ZNF354C: variants seen among roughly 807,000 people sequenced by gnomAD.
The protein encoded by ZNF354C is zinc finger protein 354C.
Under a neutral mutation model 12.4 loss-of-function variants are expected in ZNF354C, and 7 were observed. The ratio of observed to expected loss-of-function variants is 0.56; its 90% CI spans 0.32 to 1.06. ZNF354C has a LOEUF of 1.06. Ranked by LOEUF, ZNF354C falls within the 50% of genes least tolerant of loss-of-function variation. The pLI is 0.04. For synonymous variants in ZNF354C, 202 were observed against 224.5 expected (o/e 0.90, Z 0.90); for missense variants, 609 against 658.0 (o/e 0.93, Z 0.81).
In ZNF354C at chr5:179,080,042, C is replaced by T. The variant is rs752348525; in HGVS notation, c.1610C>T (p.Ser537Phe). 4.4e-6 allele frequency: 7 copies of T among 1,606,334 alleles called. No individual in the cohort carries two copies. In the Admixed American group the frequency reaches 8.6e-5, roughly 20 times the overall value. The change falls in exon 5 of 5, where the codon TCC (serine) becomes TTC (phenylalanine). Residue 537 changes from serine (S) to phenylalanine (F), a missense_variant. Ser to Phe is a radical substitution (Grantham distance 155). Transcript: ENST00000315475. The stretch of plus-strand genomic sequence containing the variant: ...TATGGGAAACCTTTCATCTGCAGCT[C>T]CTCACTTACCCAGTATCAGAGATTT... The part of the protein sequence containing the change: ...KEYGKPFICS[S>F]SLTQYQRFFK...
intron 2 of ZNF354C, among the ~76,000 whole-genome samples, chr5:179,071,619 CT>C (rs1762054071): frequency 6.6e-6 from 1 of 152,072 alleles, no homozygotes; most frequent in Non-Finnish European, 1.5e-5. Context: ...AGCTTTTTGC[CT>C]GGGAGTAGGC....
chr5:179,066,149 T>C (rs1291264933), intron 2 of ZNF354C, among the ~76,000 whole-genome samples: 1 of 152,262 alleles, frequency 6.6e-6, no homozygotes, highest in Non-Finnish European at 1.5e-5. Context: ...ATCTTTCTGC[T>C]GTCTGTACAT....
At position 179,080,075 on chromosome 5, in the gene ZNF354C, G is replaced by C. The variant is rs1234974272; in HGVS notation, c.1643G>C (p.Gly548Ala). ...SLTQYQRFFKGDKAYEV is the reference protein window; with the variant it reads ...SLTQYQRFFKADKAYEV Reference sequence around the variant, plus strand: ...ACCCAGTATCAGAGATTTTTTAAAGGAGATAAAGCCTATGAGGTTTAGTTC... The same window carrying C: ...ACCCAGTATCAGAGATTTTTTAAAGCAGATAAAGCCTATGAGGTTTAGTTC... Residue 548 changes from glycine to alanine, a missense_variant, in exon 5 of 5, where the codon GGA becomes GCA. Gly to Ala is a moderately conservative substitution (Grantham distance 60, BLOSUM62 0). Coordinates refer to ENST00000315475, the MANE Select transcript of ZNF354C (RefSeq NM_014594.3). The C allele has an allele frequency of 1.1e-5, 17 of 1,584,518 alleles. No individual in the cohort carries two copies. The highest frequency in any genetic ancestry group is 3.8e-5 in the Admixed American group (2 of 53,098).
rs1216729810 is a variant in ZNF354C at position 179,076,441 on chromosome 5, A to G, written c.28-4A>G. The G allele has an allele frequency of 6.2e-7, 1 of 1,614,030 alleles. No homozygotes were observed. On this transcript the variant is annotated splice_polypyrimidine_tract_variant and splice_region_variant and intron_variant, in intron 2 of 4. Transcript: ENST00000315475. ...GGTGAGCAGGTATGGGTTTGCCATTACAGGAGCCTGTGACATTCAGGGATG... is the reference window on the plus strand; with the variant it reads ...GGTGAGCAGGTATGGGTTTGCCATTGCAGGAGCCTGTGACATTCAGGGATG...
At position 179,083,025 on chromosome 5, in the gene ZNF354C, T is replaced by C; in HGVS notation, c.*2928T>C. On this transcript the variant is annotated 3_prime_UTR_variant, in exon 5 of 5. Coordinates refer to ENST00000315475, the MANE Select transcript of ZNF354C (RefSeq NM_014594.3). ...ATAGTTAATGAAGCCAAACTGATCTTGCACACATTCCACTGGCCCTACGCA... is the reference window on the plus strand; with the variant it reads ...ATAGTTAATGAAGCCAAACTGATCTCGCACACATTCCACTGGCCCTACGCA... 2.6e-6 allele frequency: 2 copies of C among 774,778 alleles called. No homozygotes were observed. The highest frequency in any genetic ancestry group is 4.4e-6 in the Non-Finnish European group (2 of 453,930). The allele number at this position is 774,778 out of a possible 1,614,324, so 48.0% of individuals were successfully genotyped here. A position where few individuals can be genotyped will look rare whatever the true frequency, so the allele number is the denominator to read the frequency against.
chr5:179,081,951 GATA>G lies in ZNF354C; in HGVS notation c.*1858_*1860del, dbSNP rs1363240178. ...ACTTAGAATAATCACTCTTACTGGT[GATA>G]ATACTAAGAAGGAAAAGAAGTTCAT... On this transcript the variant is annotated 3_prime_UTR_variant, in exon 5 of 5. Transcript: ENST00000315475. 1 of 152,144 alleles carries G rather than the reference GATA, an allele frequency of 6.6e-6. No homozygotes were observed. The highest frequency in any genetic ancestry group is 1.5e-5 in the Non-Finnish European group (1 of 68,034). The allele number at this position is 152,144 out of a possible 1,614,324, so 9.4% of individuals were successfully genotyped here. A position where few individuals can be genotyped will look rare whatever the true frequency, so the allele number is the denominator to read the frequency against.
At chr5:179,066,159 T>C (rs1318572616) in intron 2 of ZNF354C, among the ~76,000 whole-genome samples, 1 of 152,266 alleles carries the variant, frequency 6.6e-6, no homozygotes, top group East Asian at 1.9e-4. Flanking sequence ...TGTCTGTACA[T>C]ATCAATTATG....
intron 2 of ZNF354C, among the ~76,000 whole-genome samples, chr5:179,070,841 C>CTTTTTTTTTTTTTTTTT (rs766817856): frequency 1.3e-5 from 1 of 75,438 alleles, no homozygotes; most frequent in African/African-American, 5.7e-5. Context: ...CTTGATCGCT[C>CTTTTTTTTTTTTTTTTT]TTTTTTTTTT....
intron 2 of ZNF354C, among the ~76,000 whole-genome samples, chr5:179,073,354 G>A (rs1337572523): frequency 6.6e-6 from 1 of 152,170 alleles, no homozygotes; most frequent in Non-Finnish European, 1.5e-5. Flanking sequence ...GAAGAATGAA[G>A]AGCATTAGAA....
At chr5:179,072,640 G>A (rs187223608) in intron 2 of ZNF354C, among the ~76,000 whole-genome samples, 3 of 152,272 alleles carry the variant, frequency 2.0e-5, no homozygotes, top group Non-Finnish European at 2.9e-5. Flanking sequence ...TCAGTGACAT[G>A]CAATAGAAAT....
At position 179,078,861 on chromosome 5, in the gene ZNF354C, T is replaced by C. The variant is rs1561751829; in HGVS notation, c.429T>C (p.Leu143=). 6.2e-7 allele frequency: 1 copy of C among 1,614,108 alleles called. No individual in the cohort carries two copies. The highest frequency in any genetic ancestry group is 8.5e-7 in the Non-Finnish European group (1 of 1,180,006). ...AAGAAGAGCAAGAGAAGAAACCTCT[T>C]AGACAAATGATAGATTCGCATGAGA... is the stretch of plus-strand genomic sequence containing the variant. ...EIEEEQEKKP[L]RQMIDSHEKT... Residue 143 remains leucine, a synonymous_variant, in exon 5 of 5, where the codon CTT becomes CTC. Transcript: ENST00000315475.
chr5:179,076,556 A>G lies in ZNF354C; in HGVS notation c.139A>G (p.Ser47Gly), dbSNP rs1762126473. The change falls in exon 3 of 5, where the codon AGC (serine) becomes GGC (glycine). Residue 47 changes from serine to glycine, a missense_variant. Transcript: ENST00000315475. ...YREVMLENYS[S>G]LVSLGIPFSM... Reference sequence around the variant, plus strand: ...GGAGGTGATGCTGGAGAACTACAGCAGCCTGGTCTCACTGGGTAAGAATTT... The same window carrying G: ...GGAGGTGATGCTGGAGAACTACAGCGGCCTGGTCTCACTGGGTAAGAATTT... 1.2e-6 allele frequency: 2 copies of G among 1,613,992 alleles called. No individual in the cohort carries two copies.
chr5:179,077,809 CT>C lies in ZNF354C; in HGVS notation c.250+662del, dbSNP rs1422265959. Among the ~76,000 whole-genome samples, 756 of 121,298 alleles carry C rather than the reference CT, an allele frequency of 6.2e-3. 2 individuals carry two copies. The highest frequency in any genetic ancestry group is 0.014 in the Middle Eastern group (3 of 212). The allele number at this position is 121,298 out of a possible 152,430, so 79.6% of individuals were successfully genotyped here. A position where few individuals can be genotyped will look rare whatever the true frequency, so the allele number is the denominator to read the frequency against. On this transcript the variant is annotated intron_variant, in intron 4 of 4. Coordinates refer to ENST00000315475, the MANE Select transcript of ZNF354C (RefSeq NM_014594.3). Reference sequence around the variant, plus strand: ...TCAAAACCTGAATGTCCCCCCACTCCTTTTTTTTTTTTTTTTTTTGAGATGA... The same window carrying C: ...TCAAAACCTGAATGTCCCCCCACTCCTTTTTTTTTTTTTTTTTTGAGATGA...
chr5:179,082,585 A>C lies in ZNF354C; in HGVS notation c.*2488A>C. 1.1e-6 allele frequency: 1 copy of C among 943,874 alleles called. No homozygotes were observed. The highest frequency in any genetic ancestry group is 1.3e-5 in the South Asian group (1 of 77,210). 58.5% of individuals were successfully genotyped at this position (943,874 alleles called of 1,614,324 possible). On this transcript the variant is annotated 3_prime_UTR_variant, in exon 5 of 5. Coordinates refer to ENST00000315475, the MANE Select transcript of ZNF354C (RefSeq NM_014594.3). ...AGAACTAAGTATTCCAGATTTCGGGAGGGATGAAGAGGGAGATATTCAGAA... is the reference window on the plus strand; with the variant it reads ...AGAACTAAGTATTCCAGATTTCGGGCGGGATGAAGAGGGAGATATTCAGAA...
At position 179,082,907 on chromosome 5, in the gene ZNF354C, C is replaced by G; in HGVS notation, c.*2810C>G. 2.0e-6 allele frequency: 2 copies of G among 986,262 alleles called. No homozygotes were observed. Among genetic ancestry groups the G allele is most frequent in the Non-Finnish European group, 3.3e-6 (2 of 613,194 alleles). 61.1% of individuals were successfully genotyped at this position (986,262 alleles called of 1,614,324 possible). A position where few individuals can be genotyped will look rare whatever the true frequency, so the allele number is the denominator to read the frequency against. On this transcript the variant is annotated 3_prime_UTR_variant, in exon 5 of 5. Coordinates refer to ENST00000315475, the MANE Select transcript of ZNF354C (RefSeq NM_014594.3). ...ACTTGCCAGTGCGCTGATGAAGAAT[C>G]ACGGAGAACTCCACCTCATCTCCTG...
Position 179,078,980 on chromosome 5 carries a change from T to C in ZNF354C, c.548T>C (p.Ile183Thr). Residue 183 changes from isoleucine to threonine, a missense_variant, in exon 5 of 5, where the codon ATA (isoleucine) becomes ACA (threonine). Physicochemically the swap from Ile to Thr is moderately conservative, Grantham distance 89 (BLOSUM62 -1). Coordinates refer to ENST00000315475, the MANE Select transcript of ZNF354C (RefSeq NM_014594.3). ...TALVTQQSVP[I>T]ERIPNMYYTF... ...CTTGTCACACAACAGAGTGTTCCTA[T>C]AGAAAGGATACCCAATATGTATTAT... 1 of 1,613,838 alleles carries C rather than the reference T, an allele frequency of 6.2e-7. No individual in the cohort carries two copies. The highest frequency in any genetic ancestry group is 1.1e-5 in the South Asian group (1 of 91,022).
intron 2 of ZNF354C, among the ~76,000 whole-genome samples, chr5:179,067,622 G>A (rs966865756): frequency 2.0e-4 from 30 of 152,134 alleles, no homozygotes; most frequent in African/African-American, 5.1e-4. Flanking sequence ...CAAGGCAGGC[G>A]GATCACCCTG....
chr5:179,062,275 CT>C (rs1292967463), intron 2 of ZNF354C, among the ~76,000 whole-genome samples, 180 bp downstream of exon 2: 1 of 152,194 alleles, frequency 6.6e-6, no homozygotes, highest in Non-Finnish European at 1.5e-5. Context: ...GAATGTGCCT[CT>C]TTTGTCCCGA....
rs1762227113 is a variant in ZNF354C, at chr5:179,081,579, G to T, written c.*1482G>T. 1 of 151,994 alleles carries T rather than the reference G, an allele frequency of 6.6e-6. No homozygotes were observed. The highest frequency in any genetic ancestry group is 1.5e-5 in the Non-Finnish European group (1 of 68,022). The allele number at this position is 151,994 out of a possible 1,614,324, so 9.4% of individuals were successfully genotyped here. A position where few individuals can be genotyped will look rare whatever the true frequency, so the allele number is the denominator to read the frequency against. ...AGTATAGTATATTTCTTAACCGACT[G>T]GTTTTAGCTTATCAGAAAGTAATTA... is the stretch of plus-strand genomic sequence containing the variant. On this transcript the variant is annotated 3_prime_UTR_variant, in exon 5 of 5. Transcript: ENST00000315475.
Sources: gnomAD v4.1 joint callset for allele counts (sites outside exome capture counted in the v4.1 genomes callset) on GRCh38, gnomAD v4.1.1 for gene constraint, MANE v1.5 for transcripts, NCBI Gene and HGNC (gene_info 2026-07-23, HGNC 2026-07-21) for gene names.